Variants in PLAAT3 observed in about 807,000 individuals in gnomAD.
The protein encoded by PLAAT3 is phospholipase A and acyltransferase 3.
Under a neutral mutation model 16.7 loss-of-function variants are expected in PLAAT3, and 21 were observed. The ratio of observed to expected loss-of-function variants is 1.26; its 90% CI spans 0.89 to 1.81. The LOEUF (loss-of-function observed/expected upper bound fraction) is 1.81, where lower values mean the gene tolerates loss of function less well. Among genes scored for constraint, PLAAT3 ranks in the 40% most tolerant of loss-of-function variants. The probability of loss-of-function intolerance (pLI) is 0.00; values close to 1 mark genes in which losing one functional copy is unlikely to be tolerated. For synonymous variants in PLAAT3, 76 were observed against 81.7 expected (o/e 0.93, Z 0.38); for missense variants, 219 against 213.7 (o/e 1.02, Z -0.16).
At chr11:63,592,092 T>G (rs944282480) in intron 3 of PLAAT3, among the ~76,000 whole-genome samples, 5 of 152,218 alleles carry the variant, frequency 3.3e-5, no homozygotes, top group Non-Finnish European at 5.9e-5. Flanking sequence ...CACTTCACTT[T>G]GCTCCAGAAA....
chr11:63,584,289 C>CTTTTTTTTTT (rs532324070), intron 4 of PLAAT3, among the ~76,000 whole-genome samples: 1 of 123,474 alleles, frequency 8.1e-6, no homozygotes, highest in African/African-American at 3.0e-5. Flanking sequence ...CTTCTGGTTG[C>CTTTTTTTTTT]TTTTTTTTTT....
Position 63,590,280 on chromosome 11 carries a change from G to A in PLAAT3, c.207C>T (p.Ala69=), listed in dbSNP as rs150536154. 119 of 1,614,118 alleles carry A rather than the reference G, an allele frequency of 7.4e-5. No homozygotes were observed. Among genetic ancestry groups the A allele is most frequent in the Middle Eastern group, 3.3e-4 (2 of 6,062 alleles). Residue 69 remains alanine, a synonymous_variant, in exon 4 of 5, where the codon GCC becomes GCT. Coordinates refer to ENST00000415826, the MANE Select transcript of PLAAT3 (RefSeq NM_001128203.2). ...IVKKELLYDV[A]GSDKYQVNNK... ...TGTTGACCTGGTACTTGTCACTCCCGGCCACATCATACAGCAATTCCTTCT... is the reference window on the plus strand; with the variant it reads ...TGTTGACCTGGTACTTGTCACTCCCAGCCACATCATACAGCAATTCCTTCT...
intron 3 of PLAAT3, among the ~76,000 whole-genome samples, chr11:63,591,279 G>A (rs1938145998): frequency 6.6e-6 from 1 of 152,236 alleles, no homozygotes. Flanking sequence ...CTACTCAGGA[G>A]GCTGAGGCAG....
intron 2 of PLAAT3, among the ~76,000 whole-genome samples, chr11:63,612,946 T>C (rs763466009): frequency 1.1e-4 from 16 of 152,200 alleles, no homozygotes; most frequent in Non-Finnish European, 2.1e-4. Flanking sequence ...AGATAGAGAA[T>C]GATATTAAAA....
Position 63,597,573 on chromosome 11 carries a change from C to T in PLAAT3, c.118+488G>A, listed in dbSNP as rs528930955. Among the ~76,000 whole-genome samples, 6 of 152,236 alleles carry T rather than the reference C, an allele frequency of 3.9e-5. No homozygotes were observed. In the East Asian group the frequency reaches 5.8e-4, roughly 15 times the overall value. On this transcript the variant is annotated intron_variant, in intron 3 of 4. Coordinates refer to ENST00000415826, the MANE Select transcript of PLAAT3 (RefSeq NM_001128203.2). ...CTTTTCTTTATAAATTACCCAGTCT[C>T]GGGTAGTTCTTTATAGCAGTGTGAA...
At chr11:63,596,705 G>T (rs1938296974) in intron 3 of PLAAT3, among the ~76,000 whole-genome samples, 1 of 151,944 alleles carries the variant, frequency 6.6e-6, no homozygotes, top group African/African-American at 2.4e-5. Flanking sequence ...CCATGTGTCA[G>T]GGGAGGGACT....
At chr11:63,615,132 GTATATGTGTATA>G (rs1565259723), upstream of PLAAT3, among the ~76,000 whole-genome samples, 1 of 9,062 alleles carries the variant, frequency 1.1e-4, no homozygotes, top group African/African-American at 1.4e-4. Flanking sequence ...GTGTATATAT[GTATATGTGTATA>G]TGTGTGTATA....
chr11:63,610,674 G>C (rs1048604914), intron 2 of PLAAT3, among the ~76,000 whole-genome samples: 11 of 152,144 alleles, frequency 7.2e-5, no homozygotes, highest in African/African-American at 2.7e-4. Context: ...AGCAAACTCA[G>C]ATCACAGAGC....
At chr11:63,581,111 C>A (rs929981550) in intron 4 of PLAAT3, among the ~76,000 whole-genome samples, 1 of 152,186 alleles carries the variant, frequency 6.6e-6, no homozygotes, top group South Asian at 2.1e-4. Context: ...TGTACGTCAC[C>A]TCAGGACCAC....
intron 3 of PLAAT3, among the ~76,000 whole-genome samples, chr11:63,590,896 C>T (rs1036793808): frequency 5.3e-5 from 8 of 151,836 alleles, no homozygotes; most frequent in African/African-American, 1.7e-4. Flanking sequence ...ACAGCCCAGG[C>T]CAAGGCCCAG....
chr11:63,606,211 G>A (rs1014105550), intron 2 of PLAAT3, among the ~76,000 whole-genome samples: 4 of 152,130 alleles, frequency 2.6e-5, no homozygotes, highest in African/African-American at 7.2e-5. Context: ...CTGTGCGCCC[G>A]GCACCAATCT....
At chr11:63,588,271 T>C (rs1938037022) in intron 4 of PLAAT3, among the ~76,000 whole-genome samples, 1 of 152,104 alleles carries the variant, frequency 6.6e-6, no homozygotes. Context: ...GGTTTCACCA[T>C]GTTGGCCAGG....
chr11:63,601,140 C>T (rs1162790497), intron 2 of PLAAT3, among the ~76,000 whole-genome samples: 3 of 149,344 alleles, frequency 2.0e-5, no homozygotes, highest in South Asian at 2.1e-4. Context: ...CTGCAAGCTC[C>T]GCTTCCCGGG....
At chr11:63,607,219 A>C in intron 2 of PLAAT3, among the ~76,000 whole-genome samples, 1 of 152,194 alleles carries the variant, frequency 6.6e-6, no homozygotes, top group Non-Finnish European at 1.5e-5. Flanking sequence ...CCAGGCACTC[A>C]CGCTGGGCAG....
chr11:63,589,430 A>AAG, intron 4 of PLAAT3, among the ~76,000 whole-genome samples: 1 of 150,788 alleles, frequency 6.6e-6, no homozygotes, highest in Non-Finnish European at 1.5e-5. Flanking sequence ...AAAAAAAAAA[A>AAG]GATGGAAGTG....
chr11:63,607,401 C>A (rs1351606402), intron 2 of PLAAT3, among the ~76,000 whole-genome samples: 1 of 152,064 alleles, frequency 6.6e-6, no homozygotes, highest in East Asian at 1.9e-4. Flanking sequence ...GTGGCATGTG[C>A]CTGTAGTCCC....
rs547114055 is a variant in PLAAT3, at chr11:63,589,901, C to T, written c.387+199G>A. ...TTCCTTGGCCACCCACCCCCGCCCC[C>T]GACTACACTGATCTGCATTGCCAAC... On this transcript the variant is annotated intron_variant, in intron 4 of 4. Coordinates refer to ENST00000415826, the MANE Select transcript of PLAAT3 (RefSeq NM_001128203.2). Among the ~76,000 whole-genome samples, 10 of 151,232 alleles carry T rather than the reference C, an allele frequency of 6.6e-5. No homozygotes were observed. The South Asian group carries it at 1.7e-3, about 26-fold the overall frequency.
At chr11:63,609,648 G>A (rs554137842) in intron 2 of PLAAT3, among the ~76,000 whole-genome samples, 1 of 152,348 alleles carries the variant, frequency 6.6e-6, no homozygotes, top group East Asian at 1.9e-4. Context: ...CTCGGGCAGA[G>A]AGAGAAGGAG....
rs748911809 is a variant in PLAAT3 at position 63,590,303 on chromosome 11, T to C, written c.184A>G (p.Lys62Glu). 5.6e-6 allele frequency: 9 copies of C among 1,614,012 alleles called. No individual in the cohort carries two copies. The Admixed American group carries it at 1.2e-4, about 21-fold the overall frequency. Residue 62 changes from lysine to glutamate, a missense_variant, in exon 4 of 5, where the codon AAG (lysine) becomes GAG (glutamate). Coordinates refer to ENST00000415826, the MANE Select transcript of PLAAT3 (RefSeq NM_001128203.2). The part of the protein sequence containing the change: ...SALTDKAIVK[K>E]ELLYDVAGSD... The stretch of plus-strand genomic sequence containing the variant: ...CCGGCCACATCATACAGCAATTCCT[T>C]CTTCACGATGGCCTTGTCAGTCAGG...
Sources: allele counts gnomAD v4.1 joint callset (sites outside exome capture counted in the v4.1 genomes callset), GRCh38; gene constraint gnomAD v4.1.1; transcripts MANE v1.5; gene names NCBI Gene and HGNC (gene_info 2026-07-23, HGNC 2026-07-21).